The following TRAF3IP1 variants were observed in gnomAD, a reference collection of about 807,000 sequenced individuals.
TRAF3IP1 encodes the protein intraflagellar transport 54.
In TRAF3IP1, 53 loss-of-function variants were observed where a neutral mutation model predicts 89.9. The ratio of observed to expected loss-of-function variants is 0.59; its 90% CI spans 0.47 to 0.74. TRAF3IP1 has a LOEUF of 0.74. TRAF3IP1 is among the 30% of genes least tolerant of loss of function. TRAF3IP1 has a pLI of 0.00. For missense variants in TRAF3IP1, 806 were observed against 866.1 expected, an observed-to-expected ratio of 0.93 and a Z score of 0.87; for synonymous variants, 311 against 322.1, an observed-to-expected ratio of 0.97 and a Z score of 0.37.
At chr2:238,373,668 A>G (rs919289906) in intron 15 of TRAF3IP1, among the ~76,000 whole-genome samples, 1 of 152,192 alleles carries the variant, frequency 6.6e-6, no homozygotes, top group Non-Finnish European at 1.5e-5. Flanking sequence ...AATTCTGTGA[A>G]GAAAGTCTTT....
intron 14 of TRAF3IP1, among the ~76,000 whole-genome samples, chr2:238,353,867 G>T (rs144230439): frequency 6.6e-6 from 1 of 152,232 alleles, no homozygotes; most frequent in South Asian, 2.1e-4. Flanking sequence ...TCTGCCTCCC[G>T]GGTTGAAGTG....
At chr2:238,377,268 C>G (rs1700360527) in intron 15 of TRAF3IP1, among the ~76,000 whole-genome samples, 1 of 142,830 alleles carries the variant, frequency 7.0e-6, no homozygotes, top group Admixed American at 7.1e-5. Context: ...CAGGGCCTCC[C>G]TGTCACCCAG....
intron 15 of TRAF3IP1, among the ~76,000 whole-genome samples, chr2:238,364,527 G>T (rs1271468985): frequency 1.3e-5 from 2 of 152,014 alleles, no homozygotes; most frequent in South Asian, 4.1e-4. Flanking sequence ...TAGGCTAATG[G>T]CCAACAGTTT....
Position 238,351,573 on chromosome 2 carries a change from G to A in TRAF3IP1, c.1452-1254G>A, listed in dbSNP as rs1400277997. Among the ~76,000 whole-genome samples, 2 of 152,052 alleles carry A rather than the reference G, an allele frequency of 1.3e-5. No homozygotes were observed. The highest frequency in any genetic ancestry group is 2.4e-5 in the African/African-American group (1 of 41,376). On this transcript the variant is annotated intron_variant, in intron 12 of 16. Coordinates refer to ENST00000373327, the MANE Select transcript of TRAF3IP1 (RefSeq NM_015650.4). This position sits in a 1 kb window ranked among gnomAD's most constrained non-coding sequence, Gnocchi z 5.2. ...ACAGGGGCGCAGGTGTTGAGGAGGT[G>A]GATCGTGGGCCACAGTGAGGGTGTG...
Position 238,320,643 on chromosome 2 carries a change from A to C in TRAF3IP1, c.-20A>C. 1 of 1,323,670 alleles carries C rather than the reference A, an allele frequency of 7.6e-7. No homozygotes were observed. The highest frequency in any genetic ancestry group is 1.7e-5 in the South Asian group (1 of 57,694). 82.0% of individuals were successfully genotyped at this position (1,323,670 alleles called of 1,614,324 possible). A position where few individuals can be genotyped will look rare whatever the true frequency, so the allele number is the denominator to read the frequency against. On this transcript the variant is annotated 5_prime_UTR_variant, in exon 1 of 17. Coordinates refer to ENST00000373327, the MANE Select transcript of TRAF3IP1 (RefSeq NM_015650.4). ...GGCCGGCTGAGGGGCGCGGGCGGCC[A>C]GCGGGCGGCGGACGCCGTCATGAAC...
chr2:238,386,095 A>G (rs1700755905), intron 15 of TRAF3IP1, among the ~76,000 whole-genome samples: 1 of 152,222 alleles, frequency 6.6e-6, no homozygotes, highest in Admixed American at 6.5e-5. Flanking sequence ...GAGTTTTATC[A>G]GAAAGAGAAA....
At chr2:238,337,873 T>C (rs939487030) in intron 7 of TRAF3IP1, among the ~76,000 whole-genome samples, 19 of 152,138 alleles carry the variant, frequency 1.2e-4, no homozygotes, top group African/African-American at 4.3e-4. Flanking sequence ...AAACATCTAG[T>C]CGACAGCTGG....
chr2:238,355,250 A>G (rs1429699146), intron 14 of TRAF3IP1, among the ~76,000 whole-genome samples: 17 of 151,844 alleles, frequency 1.1e-4, no homozygotes, highest in Admixed American at 1.1e-3. Flanking sequence ...TGTCTCCTCT[A>G]CCCTCTACTC....
chr2:238,373,507 C>A (rs1469857639), intron 15 of TRAF3IP1, among the ~76,000 whole-genome samples: 1 of 152,172 alleles, frequency 6.6e-6, no homozygotes, highest in African/African-American at 2.4e-5. Flanking sequence ...TGTTGTGGTA[C>A]CAGTACCATG....
chr2:238,344,785 G>C, intron 9 of TRAF3IP1, 187 bp downstream of exon 9: 1 of 689,838 alleles, frequency 1.4e-6, no homozygotes, highest in Non-Finnish European at 2.6e-6. Context: ...TTTCTTGATA[G>C]CATGGGACCC....
At chr2:238,366,278 T>C (rs920832930) in intron 15 of TRAF3IP1, among the ~76,000 whole-genome samples, 2 of 152,164 alleles carry the variant, frequency 1.3e-5, no homozygotes, top group African/African-American at 4.8e-5. Flanking sequence ...TTTAAAATAT[T>C]TATAAACATA....
chr2:238,323,698 T>C (rs372983649), intron 1 of TRAF3IP1, among the ~76,000 whole-genome samples: 1 of 152,242 alleles, frequency 6.6e-6, no homozygotes, highest in Admixed American at 6.5e-5. Flanking sequence ...GCTATGAGCA[T>C]ACCTGTCCTT....
chr2:238,328,474 G>A (rs867323506), intron 3 of TRAF3IP1, among the ~76,000 whole-genome samples: 1 of 152,210 alleles, frequency 6.6e-6, no homozygotes, highest in Admixed American at 6.5e-5. Flanking sequence ...GGACGCTACT[G>A]TTAGTGACCA....
At chr2:238,326,885 A>C (rs1276871071) in intron 3 of TRAF3IP1, among the ~76,000 whole-genome samples, 1 of 152,134 alleles carries the variant, frequency 6.6e-6, no homozygotes, top group Non-Finnish European at 1.5e-5. Context: ...AGAGACTTGG[A>C]AGCAGATCTT....
chr2:238,348,910 T>TA, intron 11 of TRAF3IP1, 62 bp downstream of exon 11: 2 of 1,395,128 alleles, frequency 1.4e-6, no homozygotes, highest in Middle Eastern at 1.8e-4. Context: ...ACTGCTGTGC[T>TA]TCTCTTTCTG....
intron 8 of TRAF3IP1, among the ~76,000 whole-genome samples, chr2:238,340,812 C>T (rs557585413): frequency 5.4e-5 from 8 of 149,302 alleles, no homozygotes; most frequent in Admixed American, 2.7e-4. Flanking sequence ...TACAGTTATG[C>T]GTGTGTGTGT....
chr2:238,355,267 TCTC>T (rs1181871426), intron 14 of TRAF3IP1, among the ~76,000 whole-genome samples: 1 of 152,138 alleles, frequency 6.6e-6, no homozygotes, highest in Non-Finnish European at 1.5e-5. Context: ...ACTCTCCCTG[TCTC>T]CTCTACCCTC....
Position 238,349,424 on chromosome 2 carries a change from C to G in TRAF3IP1, c.1451+16C>G. ...AAATGGATAGGTAAGGCTGGCTCAG[C>G]AGGGCAGTTCCAGCCACACAGTGTG... On this transcript the variant is annotated intron_variant, in intron 12 of 16. Transcript: ENST00000373327. 1.2e-6 allele frequency: 2 copies of G among 1,612,140 alleles called. No homozygotes were observed. Among genetic ancestry groups the G allele is most frequent in the Non-Finnish European group, 1.7e-6 (2 of 1,179,096 alleles).
intron 14 of TRAF3IP1, among the ~76,000 whole-genome samples, chr2:238,354,314 C>T (rs914494068): frequency 6.6e-6 from 1 of 152,182 alleles, no homozygotes; most frequent in East Asian, 1.9e-4. Context: ...GGCACCTGGC[C>T]GCTTACTGCT....
Sources: gnomAD v4.1 joint callset for allele counts (sites outside exome capture counted in the v4.1 genomes callset) on GRCh38, gnomAD v4.1.1 for gene constraint, Gnocchi (gnomAD v3.1) non-coding constraint, MANE v1.5 for transcripts, NCBI Gene and HGNC (gene_info 2026-07-23, HGNC 2026-07-21) for gene names.